Variants in AP4E1 observed in about 807,000 individuals in gnomAD.
AP4E1 encodes the protein adaptor related protein complex 4 subunit epsilon 1.
Under a neutral mutation model 128.2 loss-of-function variants are expected in AP4E1, and 56 were observed. The observed-to-expected ratio is 0.44, with a 90% confidence interval of 0.35 to 0.55. AP4E1 has a LOEUF of 0.55. Ranked by LOEUF, AP4E1 falls within the 20% of genes least tolerant of loss-of-function variation. AP4E1 has a pLI of 0.00. For synonymous variants in AP4E1, 484 were observed against 473.1 expected, an observed-to-expected ratio of 1.02 and a Z score of -0.30; for missense variants, 1,324 against 1,307.7, an observed-to-expected ratio of 1.01 and a Z score of -0.19.
rs1338448679 is a variant in AP4E1, at chr15:50,925,163, C to T, written c.486C>T (p.Pro162=). 1 of 1,613,826 alleles carries T rather than the reference C, an allele frequency of 6.2e-7. No homozygotes were observed. Among genetic ancestry groups the T allele is most frequent in the African/African-American group, 1.3e-5 (1 of 75,040 alleles). The change falls in exon 5 of 21, where the codon CCC becomes CCT. Residue 162 remains proline, a synonymous_variant. Coordinates refer to ENST00000261842, the MANE Select transcript of AP4E1 (RefSeq NM_007347.5). The part of the protein sequence containing the change: ...MALTVVSQIF[P]CEMIPAVLPL... ...TGACTGTTGTTAGCCAGATTTTCCCCTGCGAAATGATTCCAGCTGTTCTTC... is the reference window on the plus strand; with the variant it reads ...TGACTGTTGTTAGCCAGATTTTCCCTTGCGAAATGATTCCAGCTGTTCTTC...
chr15:50,955,917 G>A (rs2064216828), intron 13 of AP4E1, among the ~76,000 whole-genome samples: 1 of 152,170 alleles, frequency 6.6e-6, no homozygotes, highest in Non-Finnish European at 1.5e-5. Flanking sequence ...ATTTTTCTGT[G>A]TGGTATTTGG....
intron 16 of AP4E1, among the ~76,000 whole-genome samples, chr15:50,992,910 G>T (rs2064823541): frequency 6.6e-6 from 1 of 152,152 alleles, no homozygotes; most frequent in African/African-American, 2.4e-5. Context: ...ATACATAGGA[G>T]TAAATTTGAA....
chr15:50,958,543 A>G lies in AP4E1; in HGVS notation c.1600A>G (p.Ile534Val), dbSNP rs1343407484. 11 of 1,613,832 alleles carry G rather than the reference A, an allele frequency of 6.8e-6. No individual in the cohort carries two copies. Among genetic ancestry groups the G allele is most frequent in the South Asian group, 1.1e-5 (1 of 91,074 alleles). Residue 534 changes from isoleucine to valine, a missense_variant, in exon 14 of 21, where the codon ATA becomes GTA. Coordinates refer to ENST00000261842, the MANE Select transcript of AP4E1 (RefSeq NM_007347.5). Reference protein sequence around the residue: ...LLDKETPEEVIAKLYKLLMND... With the variant: ...LLDKETPEEVVAKLYKLLMND... ...AGATAAGGAAACGCCAGAGGAAGTT[A>G]TAGCTAAGCTCTACAAGTTACTTAT...
Position 50,941,676 on chromosome 15 carries a change from T to A in AP4E1, c.1077T>A (p.Ala359=), listed in dbSNP as rs781661300. The change falls in exon 10 of 21, where the codon GCT becomes GCA. Residue 359 remains alanine, a synonymous_variant. Transcript: ENST00000261842. ...TGTCTTTGTTTCTAGGACTGAAGGC[T>A]CTTACCTATGTTATCCAACAGGATC... ...KINLKYLGLK[A]LTYVIQQDPT... The A allele has an allele frequency of 6.2e-7, 1 of 1,613,440 alleles. No individual in the cohort carries two copies. Among genetic ancestry groups the A allele is most frequent in the Non-Finnish European group, 8.5e-7 (1 of 1,179,602 alleles).
chr15:51,004,082 TAC>T lies in AP4E1; in HGVS notation c.*1422_*1423del, dbSNP rs1384091045. On this transcript the variant is annotated 3_prime_UTR_variant, in exon 21 of 21. Coordinates refer to ENST00000261842, the MANE Select transcript of AP4E1 (RefSeq NM_007347.5). ...TCTTAATTTTATTCTTTTAAAAACA[TAC>T]AGTGAAGCCTTGCTACAAGAGTCAT... is the stretch of plus-strand genomic sequence containing the variant. The T allele has an allele frequency of 6.6e-6, 1 of 152,236 alleles. No individual in the cohort carries two copies. Among genetic ancestry groups the T allele is most frequent in the African/African-American group, 2.4e-5 (1 of 41,464 alleles). 9.4% of individuals were successfully genotyped at this position (152,236 alleles called of 1,614,324 possible).
intron 7 of AP4E1, among the ~76,000 whole-genome samples, chr15:50,934,283 G>T (rs191466500): frequency 4.1e-4 from 63 of 151,992 alleles, no homozygotes; most frequent in African/African-American, 1.5e-3. Flanking sequence ...AATATATGAA[G>T]TATTACTATG....
chr15:50,929,682 T>G (rs1446253655), intron 6 of AP4E1, among the ~76,000 whole-genome samples: 5 of 152,194 alleles, frequency 3.3e-5, no homozygotes, highest in Non-Finnish European at 5.9e-5. Flanking sequence ...CCATTTGTGT[T>G]CAAATATACA....
At chr15:50,927,800 A>G (rs1226285835) in intron 5 of AP4E1, among the ~76,000 whole-genome samples, 1 of 152,212 alleles carries the variant, frequency 6.6e-6, no homozygotes, top group Non-Finnish European at 1.5e-5. Context: ...TGGAACACAA[A>G]GGATTGCACT....
rs150353948 is a variant in AP4E1 at position 50,913,913 on chromosome 15, A to G, written c.223-1535A>G. On this transcript the variant is annotated intron_variant, in intron 2 of 20. Coordinates refer to ENST00000261842, the MANE Select transcript of AP4E1 (RefSeq NM_007347.5). ...ACTGCAACCTCTGCCTCTCGGGTTC[A>G]AGCGATTCTCCTGCCTCAGCCTCCC... Among the ~76,000 whole-genome samples, 585 of 152,244 alleles carry G rather than the reference A, an allele frequency of 3.8e-3. 36 individuals carry two copies. In the East Asian group the frequency reaches 0.1, roughly 26 times the overall value.
chr15:50,999,365 C>T, intron 19 of AP4E1, 103 bp downstream of exon 19: 1 of 972,168 alleles, frequency 1.0e-6, no homozygotes, highest in Non-Finnish European at 1.5e-6. Context: ...GGGAGTATAA[C>T]AGTTAAAAAC....
intron 16 of AP4E1, among the ~76,000 whole-genome samples, chr15:50,992,764 A>T (rs888940639): frequency 6.6e-6 from 1 of 152,226 alleles, no homozygotes; most frequent in African/African-American, 2.4e-5. Flanking sequence ...ACTTAATAAT[A>T]GTTGAAAATG....
intron 15 of AP4E1, among the ~76,000 whole-genome samples, 188 bp from the exon 16 acceptor site, chr15:50,983,834 A>G (rs530787353): frequency 6.6e-6 from 1 of 152,348 alleles, no homozygotes; most frequent in South Asian, 2.1e-4. Context: ...GAAGACTTAC[A>G]GTAGACATTT....
chr15:50,931,993 T>G (rs962520224), intron 7 of AP4E1, among the ~76,000 whole-genome samples: 2 of 151,888 alleles, frequency 1.3e-5, no homozygotes, highest in Non-Finnish European at 2.9e-5. Context: ...TTTTTTTTTG[T>G]TTTTGAGACT....
In AP4E1 at chr15:51,003,582, AC is replaced by A. The variant is rs2064989895; in HGVS notation, c.*921del. 7 of 152,604 alleles carry A rather than the reference AC, an allele frequency of 4.6e-5. No homozygotes were observed. Among genetic ancestry groups the A allele is most frequent in the Admixed American group, 3.3e-4 (5 of 15,284 alleles). 9.5% of individuals were successfully genotyped at this position (152,604 alleles called of 1,614,324 possible). ...CTTAATGGATATAGCTGAAGCAGAG[AC>A]TAAGTATAACATACAGGTTCTTCAG... is the stretch of plus-strand genomic sequence containing the variant. On this transcript the variant is annotated 3_prime_UTR_variant, in exon 21 of 21. Coordinates refer to ENST00000261842, the MANE Select transcript of AP4E1 (RefSeq NM_007347.5).
chr15:50,909,811 C>T (rs2063542302), intron 1 of AP4E1, among the ~76,000 whole-genome samples: 1 of 151,976 alleles, frequency 6.6e-6, no homozygotes, highest in South Asian at 2.1e-4. Flanking sequence ...CCTCAGCTTC[C>T]CGAGTAGCTG....
At chr15:50,991,139 C>T (rs563431817) in intron 16 of AP4E1, among the ~76,000 whole-genome samples, 2 of 152,216 alleles carry the variant, frequency 1.3e-5, no homozygotes, top group South Asian at 2.1e-4. Context: ...TGTGATCTTG[C>T]GTGAAGTAGC....
At chr15:50,970,828 C>CT (rs1408568319) in intron 15 of AP4E1, among the ~76,000 whole-genome samples, 1 of 152,074 alleles carries the variant, frequency 6.6e-6, no homozygotes, top group Non-Finnish European at 1.5e-5. Flanking sequence ...GATTCTGTAT[C>CT]TTTTAAGTGG....
intron 10 of AP4E1, chr15:50,945,336 C>T (rs938281523): frequency 2.6e-6 from 2 of 780,322 alleles, no homozygotes; most frequent in South Asian, 1.3e-5. Context: ...TACTGTACAA[C>T]ATGAGGCAAG....
chr15:50,910,193 G>A (rs2063547531), intron 1 of AP4E1, among the ~76,000 whole-genome samples: 1 of 152,152 alleles, frequency 6.6e-6, no homozygotes, highest in African/African-American at 2.4e-5. Context: ...CACCATGTTG[G>A]GCAGGCTGGT....
Sources: gnomAD v4.1 joint callset for allele counts (sites outside exome capture counted in the v4.1 genomes callset) on GRCh38, gnomAD v4.1.1 for gene constraint, MANE v1.5 for transcripts, NCBI Gene and HGNC (gene_info 2026-07-23, HGNC 2026-07-21) for gene names.